AGAP1: variants seen among roughly 807,000 people sequenced by gnomAD.
The protein encoded by AGAP1 is ArfGAP with GTPase domain, ankyrin repeat and PH domain 1.
Under a neutral mutation model 105.3 loss-of-function variants are expected in AGAP1, and 29 were observed. The ratio of observed to expected loss-of-function variants is 0.28; its 90% CI spans 0.21 to 0.38. AGAP1 has a LOEUF of 0.38. AGAP1 is among the 10% of genes least tolerant of loss of function. The pLI, the probability that AGAP1 is intolerant of heterozygous loss-of-function variation, is 1.00. For synonymous variants in AGAP1, 509 were observed against 485.9 expected, an observed-to-expected ratio of 1.05 and a Z score of -0.63; for missense variants, 998 against 1,165.1, an observed-to-expected ratio of 0.86 and a Z score of 2.09.
chr2:235,989,047 C>A lies in AGAP1; in HGVS notation c.1645+20424C>A, dbSNP rs1452342455. 1.3e-5 allele frequency among the ~76,000 whole-genome samples: 2 copies of A among 152,118 alleles called. No individual in the cohort carries two copies. Among genetic ancestry groups the A allele is most frequent in the Non-Finnish European group, 2.9e-5 (2 of 68,014 alleles). ...TGTGGAGTCTTTTGGTTTTTCTGTTCTTCAGAGTTTGCATCCCCTGAGAAT... is the reference window on the plus strand; with the variant it reads ...TGTGGAGTCTTTTGGTTTTTCTGTTATTCAGAGTTTGCATCCCCTGAGAAT... On this transcript the variant is annotated intron_variant, in intron 13 of 17. Transcript: ENST00000304032. The surrounding 1 kb of genome is among the most constrained non-coding windows in gnomAD (Gnocchi z 4.4).
intron 16 of AGAP1, among the ~76,000 whole-genome samples, chr2:236,093,495 T>C (rs1048536895): frequency 4.6e-5 from 7 of 152,092 alleles, no homozygotes; most frequent in African/African-American, 1.2e-4. Context: ...ACAAACACAA[T>C]TGGGGGCATT....
chr2:235,560,636 G>A (rs1050981153), intron 1 of AGAP1, among the ~76,000 whole-genome samples: 2 of 152,140 alleles, frequency 1.3e-5, no homozygotes, highest in South Asian at 2.1e-4. Context: ...GATGATGGAG[G>A]GAGGCTACCA....
At chr2:235,505,531 A>C (rs939311982) in intron 1 of AGAP1, among the ~76,000 whole-genome samples, 1 of 152,222 alleles carries the variant, frequency 6.6e-6, no homozygotes, top group Non-Finnish European at 1.5e-5. Context: ...AGATTTTATC[A>C]AGCCTCTGCA....
chr2:235,850,671 C>CA (rs1311378078), intron 9 of AGAP1, among the ~76,000 whole-genome samples: 2 of 152,378 alleles, frequency 1.3e-5, no homozygotes, highest in East Asian at 1.9e-4. Context: ...TGTATTCTCA[C>CA]AAAAATAGCT....
intron 13 of AGAP1, among the ~76,000 whole-genome samples, chr2:235,999,533 GAT>G (rs2056000487): frequency 6.6e-6 from 1 of 151,048 alleles, no homozygotes; most frequent in Non-Finnish European, 1.5e-5. Context: ...TGGTGATGAT[GAT>G]GATAGTGGTG....
At position 235,609,050 on chromosome 2, in the gene AGAP1, A is replaced by C. The variant is rs1379408314; in HGVS notation, c.164-100129A>C. On this transcript the variant is annotated intron_variant, in intron 1 of 17. Coordinates refer to ENST00000304032, the MANE Select transcript of AGAP1 (RefSeq NM_001037131.3). This position sits in a 1 kb window ranked among gnomAD's most constrained non-coding sequence, Gnocchi z 5.1. Reference sequence around the variant, plus strand: ...GGAAGGAGGCAGTGGTAAGTTCTGCATAGAAATGATTTTTGCACAGAGCTT... The same window carrying C: ...GGAAGGAGGCAGTGGTAAGTTCTGCCTAGAAATGATTTTTGCACAGAGCTT... Among the ~76,000 whole-genome samples, 2 of 152,214 alleles carry C rather than the reference A, an allele frequency of 1.3e-5. No individual in the cohort carries two copies. Among genetic ancestry groups the C allele is most frequent in the African/African-American group, 4.8e-5 (2 of 41,444 alleles).
chr2:235,765,732 CTG>C (rs1242800168), intron 6 of AGAP1, among the ~76,000 whole-genome samples: 3 of 152,190 alleles, frequency 2.0e-5, no homozygotes, highest in East Asian at 1.9e-4. Context: ...TCTTTATGGT[CTG>C]TGAATTCTGG....
rs145455521 is a variant in AGAP1 at position 235,978,136 on chromosome 2, C to T, written c.1645+9513C>T. Among the ~76,000 whole-genome samples, 716 of 152,298 alleles carry T rather than the reference C, an allele frequency of 4.7e-3. 3 individuals carry two copies. Among genetic ancestry groups the T allele is most frequent in the Middle Eastern group, 0.017 (5 of 294 alleles). ...TGGCCTCATCTAACCCTCATCACCTCCCAAAGGCCCAGTCTCCAAATACCA... is the reference window on the plus strand; with the variant it reads ...TGGCCTCATCTAACCCTCATCACCTTCCAAAGGCCCAGTCTCCAAATACCA... On this transcript the variant is annotated intron_variant, in intron 13 of 17. Transcript: ENST00000304032.
At position 235,949,573 on chromosome 2, in the gene AGAP1, A is replaced by G. The variant is rs190610295; in HGVS notation, c.1483+18650A>G. On this transcript the variant is annotated intron_variant, in intron 12 of 17. Coordinates refer to ENST00000304032, the MANE Select transcript of AGAP1 (RefSeq NM_001037131.3). ...ATCCCTCGAACACCCAAGGCTGTGT[A>G]GATTTGCCGCTTTGGGCATGCCTAG... Among the ~76,000 whole-genome samples the G allele has an allele frequency of 9.9e-4, 151 of 152,312 alleles. No homozygotes were observed. The Middle Eastern group carries it at 0.01, about 10-fold the overall frequency.
intron 6 of AGAP1, among the ~76,000 whole-genome samples, chr2:235,764,826 T>C (rs36005979): frequency 1.3e-4 from 1 of 7,826 alleles, no homozygotes; most frequent in Non-Finnish European, 2.1e-4. Flanking sequence ...TCTGGGAGCA[T>C]CCGTGGGGTG....
intron 9 of AGAP1, among the ~76,000 whole-genome samples, chr2:235,823,154 G>A (rs923398660): frequency 2.0e-5 from 3 of 152,140 alleles, no homozygotes; most frequent in Non-Finnish European, 4.4e-5. Flanking sequence ...TGTATAGTAT[G>A]TGTGTACATA....
chr2:236,098,387 A>G (rs981506976), intron 16 of AGAP1, among the ~76,000 whole-genome samples: 3 of 152,020 alleles, frequency 2.0e-5, no homozygotes, highest in African/African-American at 4.8e-5. Context: ...CCTGAGCAAC[A>G]TGATGAAACT....
At chr2:235,944,747 G>A (rs188030154) in intron 12 of AGAP1, among the ~76,000 whole-genome samples, 12 of 152,280 alleles carry the variant, frequency 7.9e-5, no homozygotes, top group Middle Eastern at 3.4e-3. Context: ...CTGGGGGCAC[G>A]TCAGGCCTTC....
At chr2:235,693,997 T>G (rs990088050) in intron 1 of AGAP1, among the ~76,000 whole-genome samples, 14 of 152,188 alleles carry the variant, frequency 9.2e-5, no homozygotes, top group Non-Finnish European at 1.6e-4. Flanking sequence ...GGAAGCTGCA[T>G]AGTTAACTGT....
In AGAP1 at chr2:235,734,204, G is replaced by A. The variant is rs1402745170; in HGVS notation, c.311-6759G>A. 1.3e-5 allele frequency among the ~76,000 whole-genome samples: 2 copies of A among 152,322 alleles called. No individual in the cohort carries two copies. The highest frequency in any genetic ancestry group is 2.1e-4 in the South Asian group (1 of 4,828). ...CAGATTTTCTCCCGATGTCATCATGGCACTCAGTAACAAGGAATATTGTAG... is the reference window on the plus strand; with the variant it reads ...CAGATTTTCTCCCGATGTCATCATGACACTCAGTAACAAGGAATATTGTAG... On this transcript the variant is annotated intron_variant, in intron 3 of 17. Transcript: ENST00000304032. This position sits in a 1 kb window ranked among gnomAD's most constrained non-coding sequence, Gnocchi z 5.3.
intron 6 of AGAP1, among the ~76,000 whole-genome samples, chr2:235,784,722 T>C (rs1204676772): frequency 6.6e-6 from 1 of 152,162 alleles, no homozygotes; most frequent in East Asian, 1.9e-4. Context: ...TTTAGATCGT[T>C]TTAAAAATGT....
At position 235,744,685 on chromosome 2, in the gene AGAP1, C is replaced by A; in HGVS notation, c.397-13C>A. 1 of 1,613,898 alleles carries A rather than the reference C, an allele frequency of 6.2e-7. No homozygotes were observed. On this transcript the variant is annotated splice_polypyrimidine_tract_variant and intron_variant, in intron 4 of 17. Coordinates refer to ENST00000304032, the MANE Select transcript of AGAP1 (RefSeq NM_001037131.3). The surrounding 1 kb of genome is among the most constrained non-coding windows in gnomAD (Gnocchi z 5.2). Reference sequence around the variant, plus strand: ...ACTCAGCTCCTGCTCTCCTCCCCTTCTTCTCTCCCTAGTTTGCCATGTGGG... The same window carrying A: ...ACTCAGCTCCTGCTCTCCTCCCCTTATTCTCTCCCTAGTTTGCCATGTGGG...
rs1208841637 is a variant in AGAP1 at position 235,888,002 on chromosome 2, A to G, written c.1155+4553A>G. Among the ~76,000 whole-genome samples the G allele has an allele frequency of 6.6e-6, 1 of 152,146 alleles. No homozygotes were observed. Among genetic ancestry groups the G allele is most frequent in the African/African-American group, 2.4e-5 (1 of 41,446 alleles). ...GAGGCCTCTCCCTTCCGGCACAGAC[A>G]TTTATCTTCTGTCCACGTGTGTGCC... On this transcript the variant is annotated intron_variant, in intron 10 of 17. Coordinates refer to ENST00000304032, the MANE Select transcript of AGAP1 (RefSeq NM_001037131.3). The surrounding 1 kb of genome is among the most constrained non-coding windows in gnomAD (Gnocchi z 4.8).
rs1369848903 is a variant in AGAP1 at position 235,739,752 on chromosome 2, G to A, written c.311-1211G>A. ...GGCCTCAGAGGGTAGCTGCCCGTCT[G>A]GAGGGCCTCGGACACTTTCAGGCTG... On this transcript the variant is annotated intron_variant, in intron 3 of 17. Transcript: ENST00000304032. The surrounding 1 kb of genome is among the most constrained non-coding windows in gnomAD (Gnocchi z 5.3). Among the ~76,000 whole-genome samples, 1 of 152,220 alleles carries A rather than the reference G, an allele frequency of 6.6e-6. No individual in the cohort carries two copies. The highest frequency in any genetic ancestry group is 1.9e-4 in the East Asian group (1 of 5,178).
Sources: gnomAD v4.1 joint callset for allele counts (sites outside exome capture counted in the v4.1 genomes callset) on GRCh38, gnomAD v4.1.1 for gene constraint, Gnocchi (gnomAD v3.1) non-coding constraint, MANE v1.5 for transcripts, NCBI Gene and HGNC (gene_info 2026-07-23, HGNC 2026-07-21) for gene names.